Variants in MAP2K6 observed in about 807,000 individuals in gnomAD.
MAP2K6 encodes dual specificity mitogen-activated protein kinase kinase 6.
Under a neutral mutation model 53.7 loss-of-function variants are expected in MAP2K6, and 16 were observed. That is an observed-to-expected ratio of 0.30 (90% CI 0.20 to 0.45). The LOEUF (loss-of-function observed/expected upper bound fraction) is 0.45, where lower values mean the gene tolerates loss of function less well. Ranked by LOEUF, MAP2K6 falls within the 20% of genes least tolerant of loss-of-function variation. The pLI is 1.00. For synonymous variants in MAP2K6, 132 were observed against 143.1 expected (o/e 0.92, Z 0.55); for missense variants, 204 against 411.9 (o/e 0.50, Z 4.37).
chr17:69,531,395 T>C (rs1461657797), intron 10 of MAP2K6, among the ~76,000 whole-genome samples: 2 of 152,182 alleles, frequency 1.3e-5, no homozygotes, highest in Admixed American at 6.5e-5. Context: ...AGGAATCAAC[T>C]TGGCACGATG....
chr17:69,516,729 C>T, intron 2 of MAP2K6, 126 bp from the exon 3 acceptor site: 2 of 673,408 alleles, frequency 3.0e-6, no homozygotes, highest in Admixed American at 2.5e-5. Context: ...TCATAGGCTG[C>T]TTTAGTTTAC....
At chr17:69,502,813 G>T (rs898191409) in intron 1 of MAP2K6, 1 of 562,368 alleles carries the variant, frequency 1.8e-6, no homozygotes, top group Non-Finnish European at 2.3e-6. Flanking sequence ...TATTCCTTTG[G>T]TCTCTGTGCT....
At chr17:69,446,012 A>C (rs1005194220) in intron 1 of MAP2K6, among the ~76,000 whole-genome samples, 9 of 152,248 alleles carry the variant, frequency 5.9e-5, no homozygotes, top group South Asian at 2.1e-4. Context: ...AAGAAATCAA[A>C]TGGGTACACA....
At chr17:69,475,443 C>T (rs997070120) in intron 1 of MAP2K6, among the ~76,000 whole-genome samples, 2 of 152,214 alleles carry the variant, frequency 1.3e-5, no homozygotes, top group Non-Finnish European at 1.5e-5. Flanking sequence ...GCTGGGATTA[C>T]AGGCGTGAGC....
chr17:69,436,786 TC>T (rs996099367), intron 1 of MAP2K6, among the ~76,000 whole-genome samples: 8 of 152,002 alleles, frequency 5.3e-5, no homozygotes, highest in African/African-American at 1.2e-4. Flanking sequence ...ATAATTTTTT[TC>T]TCTCTCTCTT....
Position 69,519,337 on chromosome 17 carries a change from C to A in MAP2K6, c.271C>A (p.Gln91Lys). ...GCGGATCCGAGCCACAGTAAATAGC[C>A]AGGAACAGAAACGGCTACTGATGGA... ...VKRIRATVNS[Q>K]EQKRLLMDLD... Residue 91 changes from glutamine to lysine, a missense_variant, in exon 5 of 12, where the codon CAG becomes AAG. Physicochemically the swap from Gln to Lys is moderately conservative, Grantham distance 53. Coordinates refer to ENST00000590474, the MANE Select transcript of MAP2K6 (RefSeq NM_002758.4). 2 of 1,613,860 alleles carry A rather than the reference C, an allele frequency of 1.2e-6. No homozygotes were observed. The highest frequency in any genetic ancestry group is 1.7e-6 in the Non-Finnish European group (2 of 1,179,870).
At chr17:69,517,676 G>A (rs1567850760) in intron 4 of MAP2K6, 63 bp downstream of exon 4, 2 of 1,124,466 alleles carry the variant, frequency 1.8e-6, no homozygotes, top group African/African-American at 3.1e-5. Context: ...CACCTCAATT[G>A]TCAACCAGCC....
In MAP2K6 at chr17:69,536,178, C is replaced by A. The variant is rs74001408; in HGVS notation, c.927+18C>A. The A allele has an allele frequency of 1.2e-6, 2 of 1,601,466 alleles. No homozygotes were observed. The highest frequency in any genetic ancestry group is 1.7e-6 in the Non-Finnish European group (2 of 1,170,362). On this transcript the variant is annotated intron_variant, in intron 11 of 11. Coordinates refer to ENST00000590474, the MANE Select transcript of MAP2K6 (RefSeq NM_002758.4). ...AGCTAATGGTGAGTATTGTTAGCAA[C>A]GTAAACATGACTATACTGATAGCTA... is the stretch of plus-strand genomic sequence containing the variant.
rs190057913 is a variant in MAP2K6 at position 69,454,561 on chromosome 17, T to A, written c.16+39561T>A. Among the ~76,000 whole-genome samples, 323 of 146,398 alleles carry A rather than the reference T, an allele frequency of 2.2e-3. 1 individual carries two copies. Among genetic ancestry groups the A allele is most frequent in the African/African-American group, 7.9e-3 (318 of 40,398 alleles). On this transcript the variant is annotated intron_variant, in intron 1 of 11. Coordinates refer to ENST00000590474, the MANE Select transcript of MAP2K6 (RefSeq NM_002758.4). ...CACCATGCCCGGCTAATTTTTGTAT[T>A]TTTTTTTTTTTAGTAGAGATGGGGT...
In MAP2K6 at chr17:69,553,689, C is replaced by A. The variant is rs1271861090; in HGVS notation, c.*11936C>A. ...AACAACAGTTTAACGATAGAGAAGACAGTGATAATGGCAAAAAAAACACCC... is the reference window on the plus strand; with the variant it reads ...AACAACAGTTTAACGATAGAGAAGAAAGTGATAATGGCAAAAAAAACACCC... On this transcript the variant is annotated 3_prime_UTR_variant, in exon 12 of 12. Coordinates refer to ENST00000590474, the MANE Select transcript of MAP2K6 (RefSeq NM_002758.4). 1 of 152,180 alleles carries A rather than the reference C, an allele frequency of 6.6e-6. No homozygotes were observed. The highest frequency in any genetic ancestry group is 1.5e-5 in the Non-Finnish European group (1 of 68,028). The allele number at this position is 152,180 out of a possible 1,614,324, so 9.4% of individuals were successfully genotyped here.
At chr17:69,448,228 A>G (rs1489338619) in intron 1 of MAP2K6, among the ~76,000 whole-genome samples, 8 of 146,112 alleles carry the variant, frequency 5.5e-5, no homozygotes, top group Admixed American at 1.4e-4. Flanking sequence ...AAATATTGTA[A>G]TATGGTTTTG....
chr17:69,459,576 G>A (rs1183892759), intron 1 of MAP2K6, among the ~76,000 whole-genome samples: 2 of 151,766 alleles, frequency 1.3e-5, no homozygotes, highest in African/African-American at 2.4e-5. Flanking sequence ...GCCAGATGTG[G>A]TGGTGCGTGC....
At position 69,455,952 on chromosome 17, in the gene MAP2K6, C is replaced by G. The variant is rs188544636; in HGVS notation, c.16+40952C>G. Among the ~76,000 whole-genome samples the G allele has an allele frequency of 2.4e-3, 361 of 151,426 alleles. 3 individuals are homozygous for G. The highest frequency in any genetic ancestry group is 8.5e-3 in the African/African-American group (349 of 41,172). ...CTTGGCTCACTGCAAACTCCACCTC[C>G]CGGGTTCAAGCAATTCTCCTGCCTC... On this transcript the variant is annotated intron_variant, in intron 1 of 11. Coordinates refer to ENST00000590474, the MANE Select transcript of MAP2K6 (RefSeq NM_002758.4).
rs1911797721 is a variant in MAP2K6, at chr17:69,544,473, T to C, written c.*2720T>C. ...GGGGAGTATTCTGTACATATAGACT[T>C]ATATATAAAGACATCTGTGTTCACG... On this transcript the variant is annotated 3_prime_UTR_variant, in exon 12 of 12. Transcript: ENST00000590474. 6.6e-6 allele frequency: 1 copy of C among 152,134 alleles called. No homozygotes were observed. Among genetic ancestry groups the C allele is most frequent in the Non-Finnish European group, 1.5e-5 (1 of 68,016 alleles). The allele number at this position is 152,134 out of a possible 1,614,324, so 9.4% of individuals were successfully genotyped here.
rs1219382408 is a variant in MAP2K6, at chr17:69,500,755, CAAAAAAAAAAGA to C, written c.17-5012_17-5001del. Among the ~76,000 whole-genome samples the C allele has an allele frequency of 6.8e-5, 9 of 132,436 alleles. 1 individual carries two copies. The highest frequency in any genetic ancestry group is 6.6e-4 in the Admixed American group (9 of 13,554). The allele number at this position is 132,436 out of a possible 152,430, so 86.9% of individuals were successfully genotyped here. On this transcript the variant is annotated intron_variant, in intron 1 of 11. Coordinates refer to ENST00000590474, the MANE Select transcript of MAP2K6 (RefSeq NM_002758.4). ...TGGGTGACAGAGCAAGATTCCATCT[CAAAAAAAAAAGA>C]AAAAAAAAAAGAGGTTTTCAGCTTT... is the stretch of plus-strand genomic sequence containing the variant.
chr17:69,434,529 T>C (rs1034582368), intron 1 of MAP2K6: 1 of 152,168 alleles, frequency 6.6e-6, no homozygotes, highest in South Asian at 2.1e-4. Flanking sequence ...TCTGGGCCTT[T>C]GGAAGTCAGT....
At chr17:69,504,855 G>T (rs1909378013) in intron 1 of MAP2K6, among the ~76,000 whole-genome samples, 1 of 152,158 alleles carries the variant, frequency 6.6e-6, no homozygotes, top group African/African-American at 2.4e-5. Context: ...AAGCTCATCT[G>T]TTATCTTAAT....
chr17:69,473,517 CCTTT>C (rs1193260981), intron 1 of MAP2K6, among the ~76,000 whole-genome samples: 3 of 152,022 alleles, frequency 2.0e-5, no homozygotes, highest in African/African-American at 7.2e-5. Flanking sequence ...CTTCCTTATA[CCTTT>C]CTTTATTTTC....
intron 11 of MAP2K6, among the ~76,000 whole-genome samples, chr17:69,540,915 T>A (rs1034766501): frequency 6.6e-6 from 1 of 152,224 alleles, no homozygotes; most frequent in African/African-American, 2.4e-5. Flanking sequence ...CTTGCACGTT[T>A]ACTGTTCAAC....
Sources: allele counts gnomAD v4.1 joint callset (sites outside exome capture counted in the v4.1 genomes callset), GRCh38; gene constraint gnomAD v4.1.1; transcripts MANE v1.5; gene names NCBI Gene and HGNC (gene_info 2026-07-23, HGNC 2026-07-21).